KIF18B: variants seen among roughly 807,000 people sequenced by gnomAD.
KIF18B encodes the protein kinesin family member 18B.
A neutral mutation model predicts 80.9 loss-of-function variants in KIF18B; 49 were observed. That is an observed-to-expected ratio of 0.61 (90% CI 0.48 to 0.77). KIF18B has a LOEUF of 0.77. Among genes scored for constraint, KIF18B ranks in the 30% least tolerant of loss-of-function variants. KIF18B has a pLI of 0.00. For missense variants in KIF18B, 994 were observed against 1,127.7 expected, an observed-to-expected ratio of 0.88 and a Z score of 1.70; for synonymous variants, 439 against 463.9, an observed-to-expected ratio of 0.95 and a Z score of 0.69.
chr17:44,934,281 G>A lies in KIF18B; in HGVS notation c.837C>T (p.Arg279=). 1 of 1,613,398 alleles carries A rather than the reference G, an allele frequency of 6.2e-7. No individual in the cohort carries two copies. Among genetic ancestry groups the A allele is most frequent in the Non-Finnish European group, 8.5e-7 (1 of 1,179,814 alleles). The part of the protein sequence containing the change: ...ERLREGANIN[R]SLLALINVLN... Reference sequence around the variant, plus strand: ...GGACGTTGATGAGCGCCAGCAGAGAGCGGTTGATGTTGGCCCCCTCCCGCA... The same window carrying A: ...GGACGTTGATGAGCGCCAGCAGAGAACGGTTGATGTTGGCCCCCTCCCGCA... The change falls in exon 6 of 16, where the codon CGC becomes CGT. Residue 279 remains arginine, a synonymous_variant. Coordinates refer to ENST00000593135, the MANE Select transcript of KIF18B (RefSeq NM_001265577.2). The surrounding 1 kb of genome is among the most constrained non-coding windows in gnomAD (Gnocchi z 5.4).
At chr17:44,941,413 A>C (rs1030006627) in intron 1 of KIF18B, among the ~76,000 whole-genome samples, 1 of 147,186 alleles carries the variant, frequency 6.8e-6, no homozygotes, top group Non-Finnish European at 1.5e-5. Flanking sequence ...ATCTTGGCTC[A>C]CTGCAACCTC....
chr17:44,929,747 G>C (rs1460673315), intron 11 of KIF18B, among the ~76,000 whole-genome samples: 1 of 152,144 alleles, frequency 6.6e-6, no homozygotes, highest in Non-Finnish European at 1.5e-5. Context: ...GTTCATTGTG[G>C]TTCTAAGAAG....
chr17:44,933,117 C>T (rs1376781924), intron 7 of KIF18B, 131 bp from the exon 8 acceptor site: 1 of 740,428 alleles, frequency 1.4e-6, no homozygotes, highest in African/African-American at 1.8e-5. Flanking sequence ...TGGGGAGACA[C>T]AGCAGAGAAG....
rs1224135084 is a variant in KIF18B at position 44,936,229 on chromosome 17, A to G, written c.116T>C (p.Val39Ala). 2 of 1,610,120 alleles carry G rather than the reference A, an allele frequency of 1.2e-6. No homozygotes were observed. Among genetic ancestry groups the G allele is most frequent in the Non-Finnish European group, 1.7e-6 (2 of 1,178,748 alleles). ...VVQVVDERVL[V>A]FNPEEPDGGF... ...TCCATCGGGCTCCTCAGGGTTAAAC[A>G]CCAGCACCCGCTCGTCCACCACCTG... The change falls in exon 2 of 16, where the codon GTG (valine) becomes GCG (alanine). Residue 39 changes from valine (V) to alanine (A), a missense_variant. Transcript: ENST00000593135.
At position 44,936,185 on chromosome 17, in the gene KIF18B, A is replaced by G; in HGVS notation, c.160T>C (p.Trp54Arg). 1 of 1,612,788 alleles carries G rather than the reference A, an allele frequency of 6.2e-7. No individual in the cohort carries two copies. Among genetic ancestry groups the G allele is most frequent in the Non-Finnish European group, 8.5e-7 (1 of 1,179,526 alleles). The change falls in exon 2 of 16, where the codon TGG (tryptophan) becomes CGG (arginine). Residue 54 changes from tryptophan to arginine, a missense_variant. Physicochemically the swap from Trp to Arg is moderately radical, Grantham distance 101. Coordinates refer to ENST00000593135, the MANE Select transcript of KIF18B (RefSeq NM_001265577.2). The part of the protein sequence containing the change: ...EPDGGFPGLK[W>R]GGTHDGPKKK... The stretch of plus-strand genomic sequence containing the variant: ...TTGGGGCCATCATGGGTGCCACCCC[A>G]TTTCAGGCCAGGGAACCCTCCATCG...
intron 1 of KIF18B, among the ~76,000 whole-genome samples, chr17:44,942,124 C>T (rs894354840): frequency 3.9e-5 from 6 of 152,132 alleles, no homozygotes; most frequent in South Asian, 2.1e-4. Context: ...AAACAGCTAC[C>T]GATCTGCTCC....
intron 1 of KIF18B, among the ~76,000 whole-genome samples, chr17:44,946,040 G>A (rs979651700): frequency 4.0e-5 from 6 of 150,466 alleles, no homozygotes; most frequent in Non-Finnish European, 7.4e-5. Context: ...GGCAACATAG[G>A]GAGAACTTGT....
rs556120772 is a variant in KIF18B, at chr17:44,936,153, C to T, written c.192G>A (p.Lys64=). 3.4e-5 allele frequency: 55 copies of T among 1,613,576 alleles called. 1 individual carries two copies. The highest frequency in any genetic ancestry group is 2.5e-6 in the Non-Finnish European group (3 of 1,179,784). The stretch of plus-strand genomic sequence containing the variant: ...CAAAGACAAACGTCAGGTCTTTGCC[C>T]TTCTTCTTGGGGCCATCATGGGTGC... ...WGGTHDGPKK[K]GKDLTFVFDR... Residue 64 remains lysine, a synonymous_variant, in exon 2 of 16, where the codon AAG becomes AAA. Transcript: ENST00000593135.
chr17:44,934,320 C>T lies in KIF18B; in HGVS notation c.798G>A (p.Ala266=), dbSNP rs769722480. The T allele has an allele frequency of 1.1e-5, 17 of 1,610,024 alleles. No homozygotes were observed. Among genetic ancestry groups the T allele is most frequent in the East Asian group, 6.7e-5 (3 of 44,792 alleles). The part of the protein sequence containing the change: ...AGSERASSTH[A]KGERLREGAN... Reference sequence around the variant, plus strand: ...CCCCCTCCCGCAGCCGCTCCCCCTTCGCATGGGTGCTGGATGCCCGCTCTG... The same window carrying T: ...CCCCCTCCCGCAGCCGCTCCCCCTTTGCATGGGTGCTGGATGCCCGCTCTG... Residue 266 remains alanine, a synonymous_variant, in exon 6 of 16, where the codon GCG becomes GCA. Coordinates refer to ENST00000593135, the MANE Select transcript of KIF18B (RefSeq NM_001265577.2). The surrounding 1 kb of genome is among the most constrained non-coding windows in gnomAD (Gnocchi z 5.4).
At position 44,932,128 on chromosome 17, in the gene KIF18B, C is replaced by T. The variant is rs1197299964; in HGVS notation, c.1317G>A (p.Glu439=). The T allele has an allele frequency of 6.2e-7, 1 of 1,613,930 alleles. No individual in the cohort carries two copies. Among genetic ancestry groups the T allele is most frequent in the Non-Finnish European group, 8.5e-7 (1 of 1,179,860 alleles). ...EESLGMEAQV[E]RAMEGNSSDQ... ...CTGAAGAGTTCCCTTCCATGGCCCT[C>T]TCCACCTGGGCCTCCATCCCCAGAC... The change falls in exon 10 of 16, where the codon GAG becomes GAA. Residue 439 remains glutamate, a synonymous_variant. Coordinates refer to ENST00000593135, the MANE Select transcript of KIF18B (RefSeq NM_001265577.2).
chr17:44,926,313 A>G, intron 15 of KIF18B, 101 bp downstream of exon 15: 1 of 1,559,984 alleles, frequency 6.4e-7, no homozygotes, highest in Admixed American at 1.9e-5. Flanking sequence ...GCAATACCCT[A>G]GGCCCTCCTT....
intron 1 of KIF18B, 95 bp downstream of exon 1, chr17:44,947,533 G>C (rs1161873692): frequency 2.0e-5 from 3 of 152,318 alleles, no homozygotes; most frequent in African/African-American, 7.2e-5. Flanking sequence ...AAAGAGGCCT[G>C]GCACAGGCCT....
At chr17:44,945,607 T>C (rs1022047003) in intron 1 of KIF18B, among the ~76,000 whole-genome samples, 15 of 152,052 alleles carry the variant, frequency 9.9e-5, no homozygotes, top group South Asian at 2.1e-4. Context: ...CTTAAGTGTA[T>C]TTTTAAAAAA....
chr17:44,929,886 T>C (rs949561911), intron 11 of KIF18B, among the ~76,000 whole-genome samples: 1 of 152,122 alleles, frequency 6.6e-6, no homozygotes, highest in African/African-American at 2.4e-5. Context: ...GGTAATGAGA[T>C]TATTGATGTT....
intron 1 of KIF18B, among the ~76,000 whole-genome samples, chr17:44,939,819 T>A (rs965438602): frequency 2.0e-5 from 3 of 152,206 alleles, no homozygotes; most frequent in African/African-American, 7.2e-5. Flanking sequence ...CTTATTTTAT[T>A]TTTATTTTTT....
At position 44,934,204 on chromosome 17, in the gene KIF18B, G is replaced by C; in HGVS notation, c.885+29C>G. 1 of 1,599,152 alleles carries C rather than the reference G, an allele frequency of 6.3e-7. No individual in the cohort carries two copies. The highest frequency in any genetic ancestry group is 1.1e-5 in the South Asian group (1 of 89,236). On this transcript the variant is annotated intron_variant, in intron 6 of 15. Coordinates refer to ENST00000593135, the MANE Select transcript of KIF18B (RefSeq NM_001265577.2). This position sits in a 1 kb window ranked among gnomAD's most constrained non-coding sequence, Gnocchi z 5.4. Reference sequence around the variant, plus strand: ...GGTTCAGGTGCTCAGTTGCTATCCTGGGGAGAATACTGGCCTGTGCTGCTT... The same window carrying C: ...GGTTCAGGTGCTCAGTTGCTATCCTCGGGAGAATACTGGCCTGTGCTGCTT...
intron 14 of KIF18B, 50 bp downstream of exon 14, chr17:44,926,939 G>T: frequency 6.7e-7 from 1 of 1,501,416 alleles, no homozygotes; most frequent in Non-Finnish European, 9.1e-7. Flanking sequence ...CTACTGCCCT[G>T]GTGAGAGCGA....
At chr17:44,936,592 C>CTATATATATATA (rs1567795991) in intron 1 of KIF18B, among the ~76,000 whole-genome samples, 1 of 53,108 alleles carries the variant, frequency 1.9e-5, no homozygotes, top group African/African-American at 7.6e-5. Context: ...CTCTCTCTCT[C>CTATATATATATA]TCTCTCTATA....
chr17:44,927,996 G>A lies in KIF18B; in HGVS notation c.2276+30C>T, dbSNP rs1229938604. On this transcript the variant is annotated intron_variant, in intron 13 of 15. Transcript: ENST00000593135. This position sits in a 1 kb window ranked among gnomAD's most constrained non-coding sequence, Gnocchi z 4.1. ...CCTTGCTGACCACTGACCACTGACA[G>A]GAGGGGTGGAGCGAGACTGGGAGAC... The A allele has an allele frequency of 2.0e-6, 3 of 1,500,080 alleles. No individual in the cohort carries two copies. Among genetic ancestry groups the A allele is most frequent in the Admixed American group, 4.6e-5 (2 of 43,122 alleles). The allele number at this position is 1,500,080 out of a possible 1,614,324, so 92.9% of individuals were successfully genotyped here.
Sources: gnomAD v4.1 joint callset for allele counts (sites outside exome capture counted in the v4.1 genomes callset) on GRCh38, gnomAD v4.1.1 for gene constraint, Gnocchi (gnomAD v3.1) non-coding constraint, MANE v1.5 for transcripts, NCBI Gene and HGNC (gene_info 2026-07-23, HGNC 2026-07-21) for gene names.